Variants in CORO2A observed in about 807,000 individuals in gnomAD.
The protein encoded by CORO2A is coronin-2A.
In CORO2A, 47 loss-of-function variants were observed where a neutral mutation model predicts 62.4. The ratio of observed to expected loss-of-function variants is 0.75; its 90% CI spans 0.60 to 0.96. The LOEUF (loss-of-function observed/expected upper bound fraction) is 0.96, where lower values mean the gene tolerates loss of function less well. Ranked by LOEUF, CORO2A falls within the 40% of genes least tolerant of loss-of-function variation. The pLI, the probability that CORO2A is intolerant of heterozygous loss-of-function variation, is 0.00. For missense variants in CORO2A, 610 were observed against 684.1 expected, an observed-to-expected ratio of 0.89 and a Z score of 1.21; for synonymous variants, 273 against 268.9, an observed-to-expected ratio of 1.02 and a Z score of -0.15.
rs1045870640 is a variant in CORO2A, at chr9:98,121,407, T to A, written c.*3367A>T. ...GTTCCACTACATCAGCTCAAGAACATAAACAAAAATGTAATTTAAAAAACA... is the reference window on the plus strand; with the variant it reads ...GTTCCACTACATCAGCTCAAGAACAAAAACAAAAATGTAATTTAAAAAACA... On this transcript the variant is annotated 3_prime_UTR_variant, in exon 12 of 12. Transcript: ENST00000375077. 1.5e-4 allele frequency: 21 copies of A among 139,916 alleles called. No homozygotes were observed. The highest frequency in any genetic ancestry group is 3.6e-3 in the Middle Eastern group (1 of 276). The allele number at this position is 139,916 out of a possible 1,614,324, so 8.7% of individuals were successfully genotyped here.
At chr9:98,151,731 C>T (rs866644452) in intron 2 of CORO2A, among the ~76,000 whole-genome samples, 3 of 151,780 alleles carry the variant, frequency 2.0e-5, no homozygotes, top group East Asian at 1.9e-4. Context: ...GGCGCCATCT[C>T]GGCTCACTGC....
At chr9:98,145,366 T>C (rs1231329294) in intron 2 of CORO2A, among the ~76,000 whole-genome samples, 2 of 152,214 alleles carry the variant, frequency 1.3e-5, no homozygotes, top group African/African-American at 2.4e-5. Flanking sequence ...TAGACACATC[T>C]GGGCCCTCTG....
intron 9 of CORO2A, 45 bp from the exon 10 acceptor site, chr9:98,128,305 G>A: frequency 6.7e-7 from 1 of 1,492,502 alleles, no homozygotes; most frequent in Non-Finnish European, 9.3e-7. Flanking sequence ...AGGGTAGGCT[G>A]CTCAGATGGG....
chr9:98,162,981 C>T (rs1049299665), intron 1 of CORO2A, among the ~76,000 whole-genome samples: 22 of 152,190 alleles, frequency 1.4e-4, no homozygotes, highest in Non-Finnish European at 2.9e-4. Flanking sequence ...CTGGCTGGGC[C>T]CACATCAAAG....
chr9:98,132,402 G>A, intron 5 of CORO2A, 101 bp from the exon 6 acceptor site: 1 of 902,996 alleles, frequency 1.1e-6, no homozygotes, highest in Non-Finnish European at 1.8e-6. Flanking sequence ...GCTCCACCTG[G>A]GAGGCCTCCC....
At chr9:98,154,442 T>A (rs1241033664) in intron 2 of CORO2A, among the ~76,000 whole-genome samples, 1 of 150,618 alleles carries the variant, frequency 6.6e-6, no homozygotes, top group Non-Finnish European at 1.5e-5. Context: ...ATTATCAGCT[T>A]AACAAATTAC....
chr9:98,160,930 G>A (rs1337869512), intron 1 of CORO2A, among the ~76,000 whole-genome samples: 3 of 152,162 alleles, frequency 2.0e-5, no homozygotes, highest in South Asian at 2.1e-4. Flanking sequence ...TAGGACTCTC[G>A]TCCTTGGCCA....
At chr9:98,138,148 CTG>C (rs1473176166) in intron 2 of CORO2A, among the ~76,000 whole-genome samples, 3 of 152,236 alleles carry the variant, frequency 2.0e-5, no homozygotes, top group African/African-American at 4.8e-5. Context: ...CCGCAAGAAA[CTG>C]TTTCACCTAA....
At chr9:98,176,795 G>A (rs953100310) in intron 1 of CORO2A, among the ~76,000 whole-genome samples, 8 of 152,166 alleles carry the variant, frequency 5.3e-5, no homozygotes, top group African/African-American at 1.9e-4. Context: ...CAGACCCCAA[G>A]AGATCGTGGG....
chr9:98,174,218 G>T (rs1828079634), intron 1 of CORO2A, among the ~76,000 whole-genome samples: 1 of 151,436 alleles, frequency 6.6e-6, no homozygotes, highest in African/African-American at 2.4e-5. Flanking sequence ...GTGGGCCAAG[G>T]CAAGCATTTG....
intron 2 of CORO2A, among the ~76,000 whole-genome samples, chr9:98,151,097 C>T (rs2118858645): frequency 6.6e-6 from 1 of 152,290 alleles, no homozygotes; most frequent in Admixed American, 6.5e-5. Context: ...CATTTATACC[C>T]TCCCTATTTA....
At chr9:98,134,570 T>G (rs1432155371) in intron 4 of CORO2A, among the ~76,000 whole-genome samples, 1 of 152,112 alleles carries the variant, frequency 6.6e-6, no homozygotes, top group Non-Finnish European at 1.5e-5. Flanking sequence ...GAAGGCCGTG[T>G]GAAGACAGAA....
chr9:98,130,964 C>G lies in CORO2A; in HGVS notation c.861G>C (p.Val287=), dbSNP rs757097881. Residue 287 remains valine, a synonymous_variant, in exon 7 of 12, where the codon GTG becomes GTC. Coordinates refer to ENST00000375077, the MANE Select transcript of CORO2A (RefSeq NM_052820.4). ...CCCGTGCCAAGCCGACCTTCCCCAC[C>G]ACGTAGAGCATGCTGGTGTCCGCGT... ...FYDADTSMLY[V]VGKGDGNIRY... The G allele has an allele frequency of 3.7e-6, 6 of 1,613,622 alleles. No individual in the cohort carries two copies. In the East Asian group the frequency reaches 6.7e-5, roughly 18 times the overall value.
At chr9:98,173,472 G>A (rs2231652) in intron 1 of CORO2A, among the ~76,000 whole-genome samples, 1 of 152,026 alleles carries the variant, frequency 6.6e-6, no homozygotes, top group Non-Finnish European at 1.5e-5. Flanking sequence ...CAAAATCCAC[G>A]GGCTCCATGA....
In CORO2A at chr9:98,124,886, C is replaced by A; in HGVS notation, c.1466G>T (p.Arg489Leu). The A allele has an allele frequency of 1.3e-6, 2 of 1,572,168 alleles. No individual in the cohort carries two copies. Among genetic ancestry groups the A allele is most frequent in the Non-Finnish European group, 1.7e-6 (2 of 1,156,510 alleles). The change falls in exon 12 of 12, where the codon CGG becomes CTG. Residue 489 changes from arginine (R) to leucine (L), a missense_variant. Coordinates refer to ENST00000375077, the MANE Select transcript of CORO2A (RefSeq NM_052820.4). ...TENELLQMFY[R>L]QQEEIRRLRE... is the part of the protein sequence containing the mutation. Reference sequence around the variant, plus strand: ...GAGCCTTCGGATCTCCTCCTGTTGCCGGTAGAACATCTGCAGCAACTGGGG... The same window carrying A: ...GAGCCTTCGGATCTCCTCCTGTTGCAGGTAGAACATCTGCAGCAACTGGGG...
At chr9:98,190,377 T>C (rs190675896) in intron 1 of CORO2A, among the ~76,000 whole-genome samples, 68 of 152,278 alleles carry the variant, frequency 4.5e-4, no homozygotes, top group East Asian at 1.7e-3. Context: ...AGCACAGAGT[T>C]TCATCTTTTT....
chr9:98,176,294 T>C (rs897947084), intron 1 of CORO2A, among the ~76,000 whole-genome samples: 10 of 152,166 alleles, frequency 6.6e-5, no homozygotes, highest in South Asian at 2.1e-4. Flanking sequence ...TCCCAAATCA[T>C]ATTACATCTA....
rs150831358 is a variant in CORO2A at position 98,144,714 on chromosome 9, G to T, written c.202-7026C>A. On this transcript the variant is annotated intron_variant, in intron 2 of 11. Transcript: ENST00000375077. ...GACTTTGACCAGGTCAGGTGGAGGG[G>T]AGGAATCTCAAGTCAGAAAGGCAGG... 4.6e-3 allele frequency among the ~76,000 whole-genome samples: 699 copies of T among 152,294 alleles called. 3 individuals carry two copies. Among genetic ancestry groups the T allele is most frequent in the African/African-American group, 0.015 (633 of 41,560 alleles).
At chr9:98,160,462 T>G (rs1038457079) in intron 1 of CORO2A, among the ~76,000 whole-genome samples, 1 of 152,186 alleles carries the variant, frequency 6.6e-6, no homozygotes, top group African/African-American at 2.4e-5. Flanking sequence ...AGGGATTTAT[T>G]TGGTGTCTAT....
Sources: gnomAD v4.1 joint callset for allele counts (sites outside exome capture counted in the v4.1 genomes callset) on GRCh38, gnomAD v4.1.1 for gene constraint, MANE v1.5 for transcripts, NCBI Gene and HGNC (gene_info 2026-07-23, HGNC 2026-07-21) for gene names.